TRMT1L: variants seen among roughly 807,000 people sequenced by gnomAD.
The protein encoded by TRMT1L is tRNA (guanine(27)-N(2))-dimethyltransferase.
TRMT1L carries 28 observed loss-of-function variants against 81.6 expected under a neutral mutation model. The observed-to-expected ratio is 0.34, with a 90% CI of 0.25 to 0.47. TRMT1L has a LOEUF of 0.47. Ranked by LOEUF, TRMT1L falls within the 20% of genes least tolerant of loss-of-function variation. The pLI, the probability that TRMT1L is intolerant of heterozygous loss-of-function variation, is 1.00. For synonymous variants in TRMT1L, 301 were observed against 303.2 expected, an observed-to-expected ratio of 0.99 and a Z score of 0.07; for missense variants, 739 against 877.1, an observed-to-expected ratio of 0.84 and a Z score of 1.99.
Position 185,120,497 on chromosome 1 carries a change from C to G in TRMT1L, c.1835G>C (p.Ser612Thr). The change falls in exon 14 of 15, where the codon AGT (serine) becomes ACT (threonine). Residue 612 changes from serine to threonine, a missense_variant. By Grantham distance (58) the Ser-to-Thr change is moderately conservative. Coordinates refer to ENST00000367506, the MANE Select transcript of TRMT1L (RefSeq NM_030934.5). ...GCCTAAATTTGTGATCATTTCATTA[C>G]TTTTTCTCTTTCCTGCAACATACAC... ...DNYIAQGKRK[S>T]NEMITNLGKK... 6.3e-7 allele frequency: 1 copy of G among 1,582,652 alleles called. No homozygotes were observed. The highest frequency in any genetic ancestry group is 8.6e-7 in the Non-Finnish European group (1 of 1,168,778).
chr1:185,139,839 C>A (rs988242852), intron 8 of TRMT1L, 134 bp downstream of exon 8: 6 of 1,081,560 alleles, frequency 5.5e-6, no homozygotes, highest in Admixed American at 2.8e-5. Flanking sequence ...TACTGCATAC[C>A]TTAGGCCAAT....
At chr1:185,122,370 C>G (rs1479953544) in intron 13 of TRMT1L, among the ~76,000 whole-genome samples, 1 of 152,136 alleles carries the variant, frequency 6.6e-6, no homozygotes, top group Non-Finnish European at 1.5e-5. Flanking sequence ...GAAGAGCCCA[C>G]AAAAATTAGT....
rs919224629 is a variant in TRMT1L, at chr1:185,119,159, A to T, written c.*860T>A. ...CCAAACCAAGCAACAACAAAAAAACAACCCCCAAACCCAAAAACTCTCATT... is the reference window on the plus strand; with the variant it reads ...CCAAACCAAGCAACAACAAAAAAACTACCCCCAAACCCAAAAACTCTCATT... On this transcript the variant is annotated 3_prime_UTR_variant, in exon 15 of 15. Transcript: ENST00000367506. The T allele has an allele frequency of 2.0e-5, 3 of 147,116 alleles. No homozygotes were observed. The highest frequency in any genetic ancestry group is 2.0e-4 in the Admixed American group (3 of 15,096). 9.1% of individuals were successfully genotyped at this position (147,116 alleles called of 1,614,324 possible). A position where few individuals can be genotyped will look rare whatever the true frequency, so the allele number is the denominator to read the frequency against.
intron 11 of TRMT1L, among the ~76,000 whole-genome samples, chr1:185,126,144 T>C (rs763723227): frequency 2.1e-4 from 32 of 152,192 alleles, no homozygotes; most frequent in Non-Finnish European, 3.7e-4. Context: ...CTGCCCAGGC[T>C]GAACTTGAAT....
upstream of TRMT1L, chr1:185,156,987 G>C (rs1653631125): frequency 2.1e-6 from 1 of 487,226 alleles, no homozygotes; most frequent in African/African-American, 2.0e-5. Context: ...AGCGTACTGG[G>C]GACGGCGTCC....
intron 10 of TRMT1L, among the ~76,000 whole-genome samples, chr1:185,131,738 T>C (rs574429143): frequency 6.6e-6 from 1 of 152,304 alleles, no homozygotes; most frequent in African/African-American, 2.4e-5. Context: ...ACCGTATAGA[T>C]ATTTTAAAAA....
intron 7 of TRMT1L, among the ~76,000 whole-genome samples, chr1:185,141,720 A>ACGG (rs1265861423): frequency 1.6e-4 from 24 of 152,244 alleles, no homozygotes; most frequent in African/African-American, 5.8e-4. Flanking sequence ...GTAAAGAAAA[A>ACGG]CGGTGTATGG....
chr1:185,136,602 G>T (rs1008370335), intron 10 of TRMT1L, among the ~76,000 whole-genome samples: 1 of 152,056 alleles, frequency 6.6e-6, no homozygotes, highest in Non-Finnish European at 1.5e-5. Flanking sequence ...AAAATAATAT[G>T]CCAACTGGGT....
intron 11 of TRMT1L, among the ~76,000 whole-genome samples, chr1:185,126,721 G>T (rs1256723885): frequency 6.6e-6 from 1 of 152,146 alleles, no homozygotes; most frequent in Non-Finnish European, 1.5e-5. Flanking sequence ...CTTTCATGTG[G>T]AAATCATAAG....
chr1:185,152,008 A>G, intron 1 of TRMT1L, 73 bp from the exon 2 acceptor site: 1 of 873,850 alleles, frequency 1.1e-6, no homozygotes, highest in Non-Finnish European at 1.7e-6. Context: ...ATCACATCGT[A>G]TAGAAGTTTA....
intron 10 of TRMT1L, among the ~76,000 whole-genome samples, chr1:185,129,606 C>T (rs1490129287): frequency 6.6e-6 from 1 of 152,188 alleles, no homozygotes; most frequent in Non-Finnish European, 1.5e-5. Context: ...AATGGCCTGA[C>T]CTAATCAATC....
chr1:185,121,428 T>G (rs1185585816), intron 13 of TRMT1L, among the ~76,000 whole-genome samples: 1 of 151,494 alleles, frequency 6.6e-6, no homozygotes, highest in Non-Finnish European at 1.5e-5. Context: ...AGCAACACAG[T>G]GAGACCCTGT....
intron 13 of TRMT1L, among the ~76,000 whole-genome samples, chr1:185,122,682 A>ATTT (rs374716894): frequency 2.2e-4 from 26 of 118,854 alleles, no homozygotes; most frequent in African/African-American, 4.0e-4. Context: ...CTTAAATCTA[A>ATTT]TTTTTTTTTT....
At chr1:185,124,823 T>A in intron 12 of TRMT1L, 121 bp downstream of exon 12, 3 of 958,090 alleles carry the variant, frequency 3.1e-6, no homozygotes, top group Non-Finnish European at 4.4e-6. Flanking sequence ...TAGAGAAGAT[T>A]TACTAAAAAC....
intron 13 of TRMT1L, among the ~76,000 whole-genome samples, chr1:185,122,734 G>C (rs932245090): frequency 1.4e-5 from 2 of 146,776 alleles, no homozygotes; most frequent in Admixed American, 1.4e-4. Flanking sequence ...ACCCAGGCTG[G>C]AGTGCAGTGG....
chr1:185,135,401 A>G (rs1341513434), intron 10 of TRMT1L, among the ~76,000 whole-genome samples: 1 of 150,670 alleles, frequency 6.6e-6, no homozygotes. Context: ...GGGTGACAGA[A>G]TGAGACTCCG....
Position 185,151,910 on chromosome 1 carries a change from C to T in TRMT1L, c.261G>A (p.Gln87=). The change falls in exon 2 of 15, where the codon CAG becomes CAA. Residue 87 remains glutamine (Q), a synonymous_variant. Transcript: ENST00000367506. Reference sequence around the variant, plus strand: ...AAGCTAAATTCTCTAGATCAGCAAGCTGCCTTTGAATTGAGATGTGTCTCT... The same window carrying T: ...AAGCTAAATTCTCTAGATCAGCAAGTTGCCTTTGAATTGAGATGTGTCTCT... ...KSKRHISIQR[Q]LADLENLAFV... is the part of the protein sequence containing the mutation. The T allele has an allele frequency of 6.2e-7, 1 of 1,600,672 alleles. No individual in the cohort carries two copies. Among genetic ancestry groups the T allele is most frequent in the Non-Finnish European group, 8.5e-7 (1 of 1,175,498 alleles).
chr1:185,143,209 T>C (rs574344128), intron 7 of TRMT1L, 148 bp downstream of exon 7: 49 of 583,478 alleles, frequency 8.4e-5, no homozygotes, highest in Middle Eastern at 4.5e-4. Context: ...TACTCTAATA[T>C]ACATTTAAAA....
At chr1:185,156,396 C>A (rs976117898) in intron 1 of TRMT1L, 82 bp downstream of exon 1, 1 of 1,612,266 alleles carries the variant, frequency 6.2e-7, no homozygotes, top group African/African-American at 1.3e-5. Context: ...AAAAACCATC[C>A]CGGTGAAGGG....
Sources: gnomAD v4.1 joint callset for allele counts (sites outside exome capture counted in the v4.1 genomes callset) on GRCh38, gnomAD v4.1.1 for gene constraint, MANE v1.5 for transcripts, NCBI Gene and HGNC (gene_info 2026-07-23, HGNC 2026-07-21) for gene names.